HLCS: variants seen among roughly 807,000 people sequenced by gnomAD.
HLCS encodes the protein biotin--protein ligase.
A neutral mutation model predicts 75.0 loss-of-function variants in HLCS; 53 were observed. That is an observed-to-expected ratio of 0.71 (90% CI 0.57 to 0.89). The LOEUF (loss-of-function observed/expected upper bound fraction) is 0.89. Ranked by LOEUF, HLCS falls within the 40% of genes least tolerant of loss-of-function variation. The probability of loss-of-function intolerance (pLI) is 0.00; values close to 1 mark genes in which losing one functional copy is unlikely to be tolerated. For synonymous variants in HLCS, 431 were observed against 428.6 expected (o/e 1.01, Z -0.07); for missense variants, 966 against 1,074.0 (o/e 0.90, Z 1.41).
At chr21:36,956,592 T>A (rs1176654283) in intron 2 of HLCS, among the ~76,000 whole-genome samples, 1 of 151,432 alleles carries the variant, frequency 6.6e-6, no homozygotes, top group Non-Finnish European at 1.5e-5. Context: ...TAGCCGGGTG[T>A]GGTGGTGGGC....
At position 36,803,589 on chromosome 21, in the gene HLCS, G is replaced by A. The variant is rs141883754; in HGVS notation, c.1893-36304C>T. ...CTCAGAGCCCCGACAGGTTTTGGCT[G>A]TAAGAAGTATCCCGCAACTGATTTA... is the stretch of plus-strand genomic sequence containing the variant. On this transcript the variant is annotated intron_variant, in intron 6 of 10. Coordinates refer to ENST00000674895, the MANE Select transcript of HLCS (RefSeq NM_001352514.2). 2.6e-3 allele frequency among the ~76,000 whole-genome samples: 396 copies of A among 152,254 alleles called. 3 individuals are homozygous for A. The highest frequency in any genetic ancestry group is 9.1e-3 in the African/African-American group (376 of 41,546).
chr21:36,834,895 T>C (rs954648710), intron 6 of HLCS, among the ~76,000 whole-genome samples: 5 of 152,186 alleles, frequency 3.3e-5, no homozygotes, highest in African/African-American at 1.2e-4. Flanking sequence ...AGGTCAAAAA[T>C]ACATTTTTAG....
intron 8 of HLCS, among the ~76,000 whole-genome samples, chr21:36,764,735 A>C (rs1417802637): frequency 3.3e-5 from 5 of 152,296 alleles, no homozygotes; most frequent in Non-Finnish European, 5.9e-5. Flanking sequence ...CAACAACAAA[A>C]ACCAAAAACT....
intron 6 of HLCS, among the ~76,000 whole-genome samples, chr21:36,798,693 T>C (rs2145909972): frequency 6.6e-6 from 1 of 152,322 alleles, no homozygotes; most frequent in South Asian, 2.1e-4. Context: ...CTTGTCAACA[T>C]TTGGTATTGT....
intron 6 of HLCS, among the ~76,000 whole-genome samples, chr21:36,815,820 A>G (rs1451278877): frequency 6.6e-6 from 1 of 152,206 alleles, no homozygotes; most frequent in Non-Finnish European, 1.5e-5. Flanking sequence ...TCCAGGGCAA[A>G]TACATGAGAT....
chr21:36,796,340 A>G (rs1601290849), intron 6 of HLCS, among the ~76,000 whole-genome samples: 1 of 152,362 alleles, frequency 6.6e-6, no homozygotes. Flanking sequence ...GGGCAAAATG[A>G]GGAAAATCAC....
At chr21:36,928,919 T>C (rs2066517310) in intron 5 of HLCS, among the ~76,000 whole-genome samples, 1 of 152,156 alleles carries the variant, frequency 6.6e-6, no homozygotes, top group South Asian at 2.1e-4. Context: ...AATTGATCAA[T>C]GAACAGGTGA....
At chr21:36,881,993 T>C (rs2064238784) in intron 6 of HLCS, among the ~76,000 whole-genome samples, 1 of 149,462 alleles carries the variant, frequency 6.7e-6, no homozygotes, top group African/African-American at 2.5e-5. Flanking sequence ...AGAGTGAGAC[T>C]CCACGTCGGC....
intron 6 of HLCS, among the ~76,000 whole-genome samples, chr21:36,850,165 G>C (rs2062941096): frequency 6.6e-6 from 1 of 152,170 alleles, no homozygotes; most frequent in Non-Finnish European, 1.5e-5. Flanking sequence ...CCTGTCAAAG[G>C]CTTAACATTT....
At chr21:36,889,260 T>C (rs573929032) in intron 6 of HLCS, among the ~76,000 whole-genome samples, 1 of 152,344 alleles carries the variant, frequency 6.6e-6, no homozygotes, top group African/African-American at 2.4e-5. Flanking sequence ...CGTCCAACCT[T>C]GGACAACTTA....
chr21:36,776,468 G>A (rs949208425), intron 6 of HLCS, among the ~76,000 whole-genome samples: 2 of 151,648 alleles, frequency 1.3e-5, no homozygotes, highest in African/African-American at 4.8e-5. Flanking sequence ...AGGTTAGAGT[G>A]CAGTGGCACA....
At chr21:36,867,717 C>A (rs572408066) in intron 6 of HLCS, among the ~76,000 whole-genome samples, 81 of 152,228 alleles carry the variant, frequency 5.3e-4, no homozygotes, top group Non-Finnish European at 9.0e-4. Flanking sequence ...AGCCCAATGA[C>A]CTACATACAC....
intron 6 of HLCS, among the ~76,000 whole-genome samples, chr21:36,776,767 G>C (rs752602684): frequency 3.3e-5 from 5 of 152,238 alleles, no homozygotes; most frequent in Non-Finnish European, 7.3e-5. Flanking sequence ...TAAAAGGTCA[G>C]AGAGTAAATA....
At chr21:36,962,513 C>T (rs1341894661) in intron 1 of HLCS, among the ~76,000 whole-genome samples, 1 of 152,032 alleles carries the variant, frequency 6.6e-6, no homozygotes, top group Non-Finnish European at 1.5e-5. Flanking sequence ...GGCTGGCCGG[C>T]ACAGTGGCTC....
chr21:36,914,936 G>C (rs1411925287), intron 5 of HLCS, among the ~76,000 whole-genome samples: 2 of 152,262 alleles, frequency 1.3e-5, no homozygotes, highest in African/African-American at 4.8e-5. Context: ...GGGGTGGAGG[G>C]CATGGAAAAC....
At chr21:36,841,723 G>A (rs2062623213) in intron 6 of HLCS, among the ~76,000 whole-genome samples, 1 of 152,336 alleles carries the variant, frequency 6.6e-6, no homozygotes, top group Middle Eastern at 3.4e-3. Flanking sequence ...GTAGGCAAAC[G>A]CCTGGCTTCA....
chr21:36,939,009 G>T lies in HLCS; in HGVS notation c.331-15C>A, dbSNP rs1384658128. On this transcript the variant is annotated splice_polypyrimidine_tract_variant and intron_variant, in intron 2 of 10. Transcript: ENST00000674895. ...CACTTGACAATCTGAGAAAAAGCAG[G>T]AGAGGGAGGAGGTGGGAAAAGACAG... is the stretch of plus-strand genomic sequence containing the variant. The T allele has an allele frequency of 6.9e-6, 11 of 1,596,728 alleles. No homozygotes were observed. Among genetic ancestry groups the T allele is most frequent in the Non-Finnish European group, 9.4e-6 (11 of 1,175,962 alleles).
rs557019786 is a variant in HLCS at position 36,956,824 on chromosome 21, G to A, written c.330+5212C>T. Among the ~76,000 whole-genome samples the A allele has an allele frequency of 3.9e-5, 6 of 152,192 alleles. No individual in the cohort carries two copies. The East Asian group carries it at 1.2e-3, about 29-fold the overall frequency. On this transcript the variant is annotated intron_variant, in intron 2 of 10. Transcript: ENST00000674895. ...ACAGCACTTCGGGAGGCTGAGGCGG[G>A]CAGATCACCTGAGGTCAGGAGTTCA...
chr21:36,938,065 T>C (rs2066975494), intron 3 of HLCS, among the ~76,000 whole-genome samples: 1 of 152,214 alleles, frequency 6.6e-6, no homozygotes, highest in African/African-American at 2.4e-5. Context: ...AAGCCTGCTT[T>C]TAAGTCTAAT....
Sources: allele counts gnomAD v4.1 joint callset (sites outside exome capture counted in the v4.1 genomes callset), GRCh38; gene constraint gnomAD v4.1.1; transcripts MANE v1.5; gene names NCBI Gene and HGNC (gene_info 2026-07-23, HGNC 2026-07-21).